Variants in KCNH1 observed in about 807,000 individuals in gnomAD.
The protein encoded by KCNH1 is potassium voltage-gated channel subfamily H member 1, also known as voltage-gated delayed rectifier potassium channel KCNH1.
KCNH1 carries 27 observed loss-of-function variants against 69.2 expected under a neutral mutation model. The ratio of observed to expected loss-of-function variants is 0.39; its 90% CI spans 0.29 to 0.54. The LOEUF (loss-of-function observed/expected upper bound fraction) is 0.54, where lower values mean the gene tolerates loss of function less well. Ranked by LOEUF, KCNH1 falls within the 20% of genes least tolerant of loss-of-function variation. The pLI, the probability that KCNH1 is intolerant of heterozygous loss-of-function variation, is 0.68. For missense variants in KCNH1, 798 were observed against 1,261.6 expected, an observed-to-expected ratio of 0.63 and a Z score of 5.57; for synonymous variants, 456 against 487.7, an observed-to-expected ratio of 0.93 and a Z score of 0.86.
intron 7 of KCNH1, among the ~76,000 whole-genome samples, chr1:210,815,672 T>C (rs1299519526): frequency 6.6e-6 from 1 of 152,168 alleles, no homozygotes; most frequent in Non-Finnish European, 1.5e-5. Context: ...GACTGAACCA[T>C]GTCCACTACA....
rs569432072 is a variant in KCNH1 at position 210,718,629 on chromosome 1, A to T, written c.2113-34491T>A. 7.6e-3 allele frequency among the ~76,000 whole-genome samples: 871 copies of T among 114,474 alleles called. 40 individuals carry two copies. The highest frequency in any genetic ancestry group is 0.03 in the African/African-American group (815 of 27,508). 75.1% of individuals were successfully genotyped at this position (114,474 alleles called of 152,430 possible). A position where few individuals can be genotyped will look rare whatever the true frequency, so the allele number is the denominator to read the frequency against. On this transcript the variant is annotated intron_variant, in intron 10 of 10. Coordinates refer to ENST00000271751, the MANE Select transcript of KCNH1 (RefSeq NM_172362.3). Reference sequence around the variant, plus strand: ...ATAAAATTATATGTATGTGTGTATAAATATATATATACATATATATATACA... The same window carrying T: ...ATAAAATTATATGTATGTGTGTATATATATATATATACATATATATATACA...
chr1:211,003,514 C>A (rs1216034938), intron 6 of KCNH1, among the ~76,000 whole-genome samples: 1 of 152,128 alleles, frequency 6.6e-6, no homozygotes, highest in African/African-American at 2.4e-5. Context: ...TTACTAGCTC[C>A]CAAGTCTGCA....
At chr1:211,116,119 G>C (rs1469086417) in intron 1 of KCNH1, among the ~76,000 whole-genome samples, 1 of 152,108 alleles carries the variant, frequency 6.6e-6, no homozygotes, top group Non-Finnish European at 1.5e-5. Context: ...CTGGGCAACA[G>C]AGCAAGACCC....
chr1:210,983,693 A>C (rs1688762691), intron 6 of KCNH1, among the ~76,000 whole-genome samples: 1 of 152,154 alleles, frequency 6.6e-6, no homozygotes, highest in Non-Finnish European at 1.5e-5. Context: ...TGTAGTTTGA[A>C]GTCAGGTAGC....
At chr1:210,843,619 A>G (rs1175904913) in intron 7 of KCNH1, among the ~76,000 whole-genome samples, 1 of 152,188 alleles carries the variant, frequency 6.6e-6, no homozygotes, top group East Asian at 1.9e-4. Flanking sequence ...GCTAATTAAA[A>G]ACAACCAAAT....
intron 10 of KCNH1, among the ~76,000 whole-genome samples, chr1:210,696,215 C>T (rs533195218): frequency 6.6e-6 from 1 of 152,322 alleles, no homozygotes; most frequent in East Asian, 1.9e-4. Flanking sequence ...AGATATGCAA[C>T]ACCCCCTTCT....
intron 6 of KCNH1, among the ~76,000 whole-genome samples, chr1:210,963,460 C>T (rs1574364759): frequency 6.6e-6 from 1 of 152,198 alleles, no homozygotes; most frequent in African/African-American, 2.4e-5. Flanking sequence ...CAGAAATAGG[C>T]TTCAGAAGGT....
At chr1:211,106,323 G>A (rs1481500927) in intron 2 of KCNH1, among the ~76,000 whole-genome samples, 1 of 152,202 alleles carries the variant, frequency 6.6e-6, no homozygotes, top group Non-Finnish European at 1.5e-5. Context: ...CTTTAAAAGA[G>A]CTTTTCTAAC....
Position 210,738,706 on chromosome 1 carries a change from C to T in KCNH1, c.2112+36642G>A, listed in dbSNP as rs527726092. ...TCTCAGCCTCCTCAGTAGTTAGGAC[C>T]ATAGGTGCATGCCCCCACACCCAGC... On this transcript the variant is annotated intron_variant, in intron 10 of 10. Coordinates refer to ENST00000271751, the MANE Select transcript of KCNH1 (RefSeq NM_172362.3). Among the ~76,000 whole-genome samples the T allele has an allele frequency of 4.3e-4, 66 of 151,738 alleles. 1 individual carries two copies. The highest frequency in any genetic ancestry group is 1.7e-3 in the South Asian group (8 of 4,772).
chr1:210,892,405 T>C (rs1250044117), intron 7 of KCNH1, among the ~76,000 whole-genome samples: 1 of 152,066 alleles, frequency 6.6e-6, no homozygotes, highest in Admixed American at 6.6e-5. Flanking sequence ...TGCACCTCAT[T>C]CCTTCTTTCA....
chr1:211,070,190 T>G (rs1215530967), intron 5 of KCNH1, among the ~76,000 whole-genome samples: 1 of 147,438 alleles, frequency 6.8e-6, no homozygotes, highest in African/African-American at 2.5e-5. Flanking sequence ...AGGCCGAGGC[T>G]GGCAGATCAC....
At chr1:210,831,992 A>G (rs1204241186) in intron 7 of KCNH1, among the ~76,000 whole-genome samples, 1 of 144,814 alleles carries the variant, frequency 6.9e-6, no homozygotes, top group Non-Finnish European at 1.5e-5. Context: ...TTTAATTTCA[A>G]TTTAAATAGT....
At chr1:211,000,652 G>GA (rs1227446098) in intron 6 of KCNH1, among the ~76,000 whole-genome samples, 3 of 152,026 alleles carry the variant, frequency 2.0e-5, no homozygotes, top group Admixed American at 6.6e-5. Flanking sequence ...CACAAAATTG[G>GA]AAAAAACTAC....
At chr1:211,093,828 G>A (rs377643615) in intron 3 of KCNH1, among the ~76,000 whole-genome samples, 1 of 152,122 alleles carries the variant, frequency 6.6e-6, no homozygotes, top group African/African-American at 2.4e-5. Context: ...TGGGAGACGA[G>A]AGCTGGATAT....
At chr1:211,022,844 G>A (rs1689611197) in intron 5 of KCNH1, among the ~76,000 whole-genome samples, 1 of 152,122 alleles carries the variant, frequency 6.6e-6, no homozygotes, top group South Asian at 2.1e-4. Context: ...AGGCATGGTG[G>A]CTCACACCTG....
At chr1:210,715,913 C>T (rs1380734086) in intron 10 of KCNH1, among the ~76,000 whole-genome samples, 5 of 152,048 alleles carry the variant, frequency 3.3e-5, no homozygotes, top group East Asian at 1.9e-4. Flanking sequence ...GACAAAAGAA[C>T]GAAGACTTCA....
At chr1:210,954,822 T>C (rs1688136893) in intron 6 of KCNH1, among the ~76,000 whole-genome samples, 2 of 152,230 alleles carry the variant, frequency 1.3e-5, no homozygotes, top group Admixed American at 1.3e-4. Flanking sequence ...GATGAGTAGA[T>C]TGCAAAAATT....
At chr1:210,832,784 A>G (rs7556358) in intron 7 of KCNH1, among the ~76,000 whole-genome samples, 95,563 of 151,336 alleles carry the variant, frequency 0.63, 31,367 homozygotes, top group African/African-American at 0.82. Context: ...ACCTCAGAGA[A>G]GACCGCAGAT....
chr1:211,104,739 A>G (rs1474999571), intron 2 of KCNH1, among the ~76,000 whole-genome samples: 3 of 152,226 alleles, frequency 2.0e-5, no homozygotes, highest in African/African-American at 7.2e-5. Flanking sequence ...TGCAATAACA[A>G]GAAAGAGCAG....
Sources: allele counts gnomAD v4.1 joint callset (sites outside exome capture counted in the v4.1 genomes callset), GRCh38; gene constraint gnomAD v4.1.1; transcripts MANE v1.5; gene names NCBI Gene and HGNC (gene_info 2026-07-23, HGNC 2026-07-21).